The following ACTR3C variants were observed in gnomAD, a reference collection of about 807,000 sequenced individuals.
ACTR3C encodes the protein actin related protein 3C, also known as actin-related protein 3C.
In ACTR3C, 18 loss-of-function variants were observed where a neutral mutation model predicts 26.3. That is an observed-to-expected ratio of 0.68 (90% confidence interval 0.47 to 1.01). The LOEUF is 1.01. Ranked by LOEUF, ACTR3C falls within the 50% of genes least tolerant of loss-of-function variation. The pLI, the probability that ACTR3C is intolerant of heterozygous loss-of-function variation, is 0.00. For missense variants in ACTR3C, 184 were observed against 250.7 expected, an observed-to-expected ratio of 0.73 and a Z score of 1.80; for synonymous variants, 55 against 94.5, an observed-to-expected ratio of 0.58 and a Z score of 2.42.
At chr7:150,242,334 G>A (rs1378347650), downstream of ACTR3C, among the ~76,000 whole-genome samples, 1 of 149,814 alleles carries the variant, frequency 6.7e-6, no homozygotes, top group Non-Finnish European at 1.5e-5. Flanking sequence ...TGCATGAACT[G>A]TACAATCTAC....
the ACTR3C span, among the ~76,000 whole-genome samples, chr7:150,214,526 G>A: frequency 6.6e-6 from 1 of 151,492 alleles, no homozygotes; most frequent in East Asian, 1.9e-4. Context: ...GAAAAAGAGA[G>A]AGAAAAGTAT....
At position 150,323,508 on chromosome 7, in the gene ACTR3C, C is replaced by G; in HGVS notation, c.-91G>C. ...CCGGCTCTGCGGTGCGGAGTTGCGC[C>G]GGACTTCCCAGCTTGGCCAGTGGCT... is the stretch of plus-strand genomic sequence containing the variant. On this transcript the variant is annotated 5_prime_UTR_variant, in exon 1 of 8. Coordinates refer to ENST00000683684, the MANE Select transcript of ACTR3C (RefSeq NM_001164458.2). 4.6e-6 allele frequency: 2 copies of G among 434,472 alleles called. No homozygotes were observed. Among genetic ancestry groups the G allele is most frequent in the Admixed American group, 2.5e-5 (1 of 39,820 alleles). 26.9% of individuals were successfully genotyped at this position (434,472 alleles called of 1,614,324 possible).
the ACTR3C span, among the ~76,000 whole-genome samples, chr7:149,882,681 G>A: frequency 2.0e-5 from 3 of 152,214 alleles, no homozygotes; most frequent in Non-Finnish European, 4.4e-5. Flanking sequence ...GATAAACTAA[G>A]CTGGACCTTA....
the ACTR3C span, among the ~76,000 whole-genome samples, chr7:149,917,338 G>A: frequency 6.6e-6 from 1 of 152,140 alleles, no homozygotes; most frequent in African/African-American, 2.4e-5. Flanking sequence ...GCCTCCCAAA[G>A]TGCTGGGATT....
At chr7:149,949,412 AAG>A in the ACTR3C span, among the ~76,000 whole-genome samples, 1 of 145,874 alleles carries the variant, frequency 6.9e-6, no homozygotes, top group Non-Finnish European at 1.5e-5. Context: ...GGAAGGAAGG[AAG>A]GAAGGAAGGA....
At chr7:150,158,243 G>A in the ACTR3C span, among the ~76,000 whole-genome samples, 13 of 151,952 alleles carry the variant, frequency 8.6e-5, no homozygotes, top group Non-Finnish European at 4.4e-5. Flanking sequence ...CTGTTGGTGG[G>A]ACGGCAAATT....
At chr7:150,008,937 C>T in the ACTR3C span, among the ~76,000 whole-genome samples, 3 of 152,280 alleles carry the variant, frequency 2.0e-5, no homozygotes, top group East Asian at 5.8e-4. Context: ...GTTCACCATA[C>T]AGCAGTTCTC....
At chr7:149,977,220 A>G in the ACTR3C span, among the ~76,000 whole-genome samples, 1 of 152,158 alleles carries the variant, frequency 6.6e-6, no homozygotes, top group Non-Finnish European at 1.5e-5. Flanking sequence ...GAGACAGATG[A>G]ACCAAGTCTG....
chr7:149,906,167 T>C, the ACTR3C span, among the ~76,000 whole-genome samples: 13 of 152,268 alleles, frequency 8.5e-5, no homozygotes, highest in African/African-American at 3.1e-4. Flanking sequence ...TGATACCATA[T>C]TGGAAATGTT....
chr7:150,258,553 C>T (rs1250669477), intron 6 of ACTR3C, among the ~76,000 whole-genome samples: 12 of 152,364 alleles, frequency 7.9e-5, no homozygotes, highest in Middle Eastern at 3.4e-3. Context: ...TTTCTACAAT[C>T]TCCAAGTACA....
At chr7:150,151,735 G>T in the ACTR3C span, among the ~76,000 whole-genome samples, 7 of 98,638 alleles carry the variant, frequency 7.1e-5, 1 homozygote, top group Admixed American at 7.9e-4. Context: ...GGGGACTGTT[G>T]TGGGGTGGGG....
chr7:149,981,536 C>T, the ACTR3C span, among the ~76,000 whole-genome samples: 1 of 149,832 alleles, frequency 6.7e-6, no homozygotes, highest in Non-Finnish European at 1.5e-5. Flanking sequence ...ATAAGTAGGA[C>T]CCTATAATTA....
At chr7:150,092,300 A>G in the ACTR3C span, among the ~76,000 whole-genome samples, 2 of 148,564 alleles carry the variant, frequency 1.3e-5, no homozygotes, top group African/African-American at 5.0e-5. Flanking sequence ...CTTGTAGTGG[A>G]AAAAGTACAC....
the ACTR3C span, among the ~76,000 whole-genome samples, chr7:149,953,476 A>T: frequency 6.6e-6 from 1 of 150,732 alleles, no homozygotes. Context: ...CTTATCTGAA[A>T]GTTAAGGTTA....
intron 1 of ACTR3C, among the ~76,000 whole-genome samples, chr7:150,312,701 T>C (rs1256451494): frequency 6.6e-6 from 1 of 152,198 alleles, no homozygotes; most frequent in Non-Finnish European, 1.5e-5. Context: ...CAGTCCCTGG[T>C]CATAGTTGAA....
At chr7:150,270,919 T>C (rs1231159049) in intron 6 of ACTR3C, among the ~76,000 whole-genome samples, 2 of 152,142 alleles carry the variant, frequency 1.3e-5, no homozygotes, top group Non-Finnish European at 2.9e-5. Context: ...GAACTCTTGC[T>C]GTTCTGGGGA....
chr7:150,017,979 C>G, the ACTR3C span, among the ~76,000 whole-genome samples: 1 of 150,170 alleles, frequency 6.7e-6, no homozygotes, highest in African/African-American at 2.5e-5. Flanking sequence ...TCTTTTTTTA[C>G]AAATCTCTGC....
At chr7:150,208,398 C>T in the ACTR3C span, among the ~76,000 whole-genome samples, 2 of 152,116 alleles carry the variant, frequency 1.3e-5, no homozygotes, top group Non-Finnish European at 2.9e-5. Context: ...AAAGAATAAC[C>T]TGGAAGGACT....
At chr7:150,180,662 G>T in the ACTR3C span, among the ~76,000 whole-genome samples, 1 of 148,724 alleles carries the variant, frequency 6.7e-6, no homozygotes, top group East Asian at 2.0e-4. Context: ...ACAGGCGCGC[G>T]CCACCACGCC....
Sources: gnomAD v4.1 joint callset for allele counts (sites outside exome capture counted in the v4.1 genomes callset) on GRCh38, gnomAD v4.1.1 for gene constraint, MANE v1.5 for transcripts, NCBI Gene and HGNC (gene_info 2026-07-23, HGNC 2026-07-21) for gene names.